The following PACRG variants were observed in gnomAD, a reference collection of about 807,000 sequenced individuals.
PACRG encodes parkin coregulated.
A neutral mutation model predicts 29.7 loss-of-function variants in PACRG; 29 were observed. The observed-to-expected ratio is 0.98, with a 90% CI of 0.73 to 1.33. The LOEUF is 1.33. Among genes scored for constraint, PACRG ranks in the 40% most tolerant of loss-of-function variants. The pLI, the probability that PACRG is intolerant of heterozygous loss-of-function variation, is 0.00. For synonymous variants in PACRG, 116 were observed against 118.7 expected (o/e 0.98, Z 0.15); for missense variants, 279 against 316.2 (o/e 0.88, Z 0.89).
chr6:163,254,308 G>A (rs1315857050), intron 4 of PACRG, among the ~76,000 whole-genome samples: 5 of 152,142 alleles, frequency 3.3e-5, no homozygotes, highest in African/African-American at 1.2e-4. Flanking sequence ...AGAGAAATGC[G>A]CTGATGAAGG....
chr6:162,739,765 C>T (rs553189343), intron 1 of PACRG, among the ~76,000 whole-genome samples: 1 of 151,044 alleles, frequency 6.6e-6, no homozygotes, highest in South Asian at 2.1e-4. Context: ...TCACTTGAAC[C>T]CGGGAGCCAG....
intron 2 of PACRG, among the ~76,000 whole-genome samples, chr6:162,941,673 A>C (rs1201969570): frequency 6.6e-6 from 1 of 152,072 alleles, no homozygotes; most frequent in East Asian, 1.9e-4. Context: ...TTTTTATGTT[A>C]ATTAGCTTTA....
At chr6:163,143,334 G>A (rs1777632051) in intron 4 of PACRG, among the ~76,000 whole-genome samples, 1 of 152,188 alleles carries the variant, frequency 6.6e-6, no homozygotes, top group South Asian at 2.1e-4. Flanking sequence ...GCTTGATGAT[G>A]GTGTCCACCA....
chr6:163,121,270 C>T lies in PACRG; in HGVS notation c.613+31862C>T, dbSNP rs543580594. ...CATAAAGCATTATACATAGTTTATC[C>T]TTCTCTTTTCCATTCCTTAAGCAGG... On this transcript the variant is annotated intron_variant, in intron 4 of 4. Transcript: ENST00000366888. 1.5e-3 allele frequency among the ~76,000 whole-genome samples: 224 copies of T among 152,120 alleles called. 5 individuals are homozygous for T. The South Asian group carries it at 0.046, about 31-fold the overall frequency.
intron 4 of PACRG, among the ~76,000 whole-genome samples, chr6:163,214,848 A>G (rs6906182): frequency 0.75 from 114,786 of 152,042 alleles, 44,144 homozygotes; most frequent in African/African-American, 0.9. Flanking sequence ...TCCTCGTCTT[A>G]TTCCACACTT....
chr6:163,231,551 C>A (rs1782044785), intron 4 of PACRG, among the ~76,000 whole-genome samples: 1 of 152,152 alleles, frequency 6.6e-6, no homozygotes, highest in Admixed American at 6.5e-5. Flanking sequence ...AGCAACTTTG[C>A]AGGTCTTCAC....
intron 4 of PACRG, among the ~76,000 whole-genome samples, chr6:163,238,492 C>T (rs1782335788): frequency 6.6e-6 from 1 of 152,132 alleles, no homozygotes; most frequent in Non-Finnish European, 1.5e-5. Flanking sequence ...GAATCTAGTT[C>T]AAATGAGAGA....
intron 2 of PACRG, among the ~76,000 whole-genome samples, chr6:162,851,782 A>C (rs2128425967): frequency 6.6e-6 from 1 of 152,270 alleles, no homozygotes; most frequent in Admixed American, 6.5e-5. Context: ...AAACATTAAA[A>C]AATTTCCCAT....
At chr6:163,102,132 C>T (rs532822531) in intron 4 of PACRG, among the ~76,000 whole-genome samples, 36 of 152,230 alleles carry the variant, frequency 2.4e-4, no homozygotes, top group Admixed American at 1.2e-3. Flanking sequence ...TCACTACCGT[C>T]GGGAAACAAG....
intron 2 of PACRG, among the ~76,000 whole-genome samples, chr6:162,947,407 A>G: frequency 1.8e-5 from 1 of 55,492 alleles, no homozygotes; most frequent in African/African-American, 4.9e-5. Context: ...ATATATAATC[A>G]TATATAATCA....
At chr6:163,295,240 G>A (rs1408672124) in intron 4 of PACRG, among the ~76,000 whole-genome samples, 1 of 152,080 alleles carries the variant, frequency 6.6e-6, no homozygotes, top group Non-Finnish European at 1.5e-5. Flanking sequence ...TTTTAAAAAC[G>A]TAAATGCATA....
chr6:162,802,751 C>T (rs937508087), intron 1 of PACRG, among the ~76,000 whole-genome samples: 32 of 152,134 alleles, frequency 2.1e-4, no homozygotes, highest in African/African-American at 6.7e-4. Flanking sequence ...ACTTTCAGTC[C>T]TCCTCTTAAT....
chr6:163,078,469 G>A (rs1302398462), intron 3 of PACRG, among the ~76,000 whole-genome samples: 1 of 150,900 alleles, frequency 6.6e-6, no homozygotes, highest in Non-Finnish European at 1.5e-5. Flanking sequence ...GCTCCAGCCT[G>A]GGCAACAAGA....
intron 2 of PACRG, among the ~76,000 whole-genome samples, chr6:162,900,111 G>C (rs1321424249): frequency 6.6e-6 from 1 of 151,930 alleles, no homozygotes; most frequent in African/African-American, 2.4e-5. Context: ...TCTGGTATCA[G>C]AGCATGGTCA....
intron 4 of PACRG, among the ~76,000 whole-genome samples, chr6:163,304,092 A>T (rs1326254486): frequency 1.3e-5 from 2 of 150,966 alleles, no homozygotes; most frequent in African/African-American, 2.4e-5. Context: ...TTTTCTTCTC[A>T]AATTTAAAGA....
intron 4 of PACRG, among the ~76,000 whole-genome samples, chr6:163,175,456 A>T (rs561340537): frequency 6.6e-6 from 1 of 150,920 alleles, no homozygotes; most frequent in South Asian, 2.1e-4. Flanking sequence ...GTTAAAGGAC[A>T]TCACTCCCCC....
intron 2 of PACRG, among the ~76,000 whole-genome samples, chr6:162,881,298 C>T (rs1321533345): frequency 6.6e-6 from 1 of 152,156 alleles, no homozygotes; most frequent in Non-Finnish European, 1.5e-5. Context: ...ACCTGTTTTC[C>T]TTTGGGGCTG....
At chr6:163,048,731 T>C (rs1286966686) in intron 2 of PACRG, among the ~76,000 whole-genome samples, 1 of 152,198 alleles carries the variant, frequency 6.6e-6, no homozygotes, top group Non-Finnish European at 1.5e-5. Flanking sequence ...TGGTTTTCTC[T>C]TGATCGCTGG....
intron 4 of PACRG, among the ~76,000 whole-genome samples, chr6:163,156,493 C>T (rs953287845): frequency 6.6e-6 from 1 of 152,118 alleles, no homozygotes; most frequent in Non-Finnish European, 1.5e-5. Context: ...CCATGACTCC[C>T]TCCTCTTCCA....
Sources: gnomAD v4.1 joint callset for allele counts (sites outside exome capture counted in the v4.1 genomes callset) on GRCh38, gnomAD v4.1.1 for gene constraint, MANE v1.5 for transcripts, NCBI Gene and HGNC (gene_info 2026-07-23, HGNC 2026-07-21) for gene names.